The following PRICKLE2 variants were observed in gnomAD, a reference collection of about 807,000 sequenced individuals.
PRICKLE2 encodes the protein prickle-like protein 2.
A neutral mutation model predicts 81.4 loss-of-function variants in PRICKLE2; 21 were observed. The observed-to-expected ratio is 0.26, with a 90% CI of 0.18 to 0.37. The LOEUF is 0.37. Ranked by LOEUF, PRICKLE2 falls within the 10% of genes least tolerant of loss-of-function variation. PRICKLE2 has a pLI of 1.00. For missense variants in PRICKLE2, 940 were observed against 1,109.0 expected, an observed-to-expected ratio of 0.85 and a Z score of 2.16; for synonymous variants, 456 against 421.5, an observed-to-expected ratio of 1.08 and a Z score of -1.00.
chr3:64,254,772 T>C (rs1451642374), intron 2 of PRICKLE2, among the ~76,000 whole-genome samples: 1 of 152,242 alleles, frequency 6.6e-6, no homozygotes, highest in Non-Finnish European at 1.5e-5. Flanking sequence ...ATAGCTTTTA[T>C]CTCACAGATT....
At chr3:64,199,008 C>CT (rs1559573229) in intron 1 of PRICKLE2, 41 bp from the exon 2 acceptor site, 131 of 1,584,532 alleles carry the variant, frequency 8.3e-5, no homozygotes, top group Non-Finnish European at 1.1e-4. Context: ...GAGGAAAAAA[C>CT]CTTTTTTTTT....
intron 2 of PRICKLE2, among the ~76,000 whole-genome samples, chr3:64,189,754 A>G (rs940172724): frequency 1.3e-5 from 2 of 152,174 alleles, no homozygotes; most frequent in African/African-American, 4.8e-5. Flanking sequence ...TCCGTCTCTA[A>G]CAGACTCACA....
intron 2 of PRICKLE2, among the ~76,000 whole-genome samples, chr3:64,184,141 A>T (rs993952321): frequency 6.6e-6 from 1 of 152,238 alleles, no homozygotes; most frequent in East Asian, 1.9e-4. Context: ...TTCCCCAGAT[A>T]GGCCTTACCA....
chr3:64,225,661 C>T (rs555418946), upstream of PRICKLE2, among the ~76,000 whole-genome samples: 9 of 152,048 alleles, frequency 5.9e-5, no homozygotes, highest in Admixed American at 3.9e-4. Context: ...ACGTAACCTC[C>T]AAATGAGCAT....
At chr3:64,231,115 T>C (rs931455647) in intron 2 of PRICKLE2, among the ~76,000 whole-genome samples, 1 of 152,190 alleles carries the variant, frequency 6.6e-6, no homozygotes, top group African/African-American at 2.4e-5. Context: ...TCACATTTCA[T>C]ACATTTTAAT....
chr3:64,139,748 C>T (rs1040597366), intron 7 of PRICKLE2, among the ~76,000 whole-genome samples: 1 of 152,186 alleles, frequency 6.6e-6, no homozygotes, highest in Non-Finnish European at 1.5e-5. Flanking sequence ...AGTCTTATTA[C>T]TCTAAGTGCT....
Position 64,110,541 on chromosome 3 carries a change from G to A in PRICKLE2, c.1661-10616C>T, listed in dbSNP as rs1201056786. Among the ~76,000 whole-genome samples the A allele has an allele frequency of 3.3e-5, 5 of 152,160 alleles. No homozygotes were observed. In the East Asian group the frequency reaches 9.6e-4, roughly 29 times the overall value. ...TAATAATCACTAGGAAGGAAATAAA[G>A]GGGATGCTATGGCAGAGAATAAAGA... On this transcript the variant is annotated intron_variant, in intron 7 of 7. Transcript: ENST00000638394.
intron 2 of PRICKLE2, among the ~76,000 whole-genome samples, chr3:64,245,359 C>CT (rs1553660842): frequency 6.6e-6 from 1 of 152,222 alleles, no homozygotes; most frequent in African/African-American, 2.4e-5. Flanking sequence ...GATTAGAAGT[C>CT]TTTTTTTGTA....
At chr3:64,118,226 C>T (rs902517235) in intron 7 of PRICKLE2, among the ~76,000 whole-genome samples, 1 of 152,122 alleles carries the variant, frequency 6.6e-6, no homozygotes, top group Non-Finnish European at 1.5e-5. Flanking sequence ...ACTGTAAAAA[C>T]CTAAACTATA....
At chr3:64,203,772 C>A (rs1407154875) in intron 1 of PRICKLE2, among the ~76,000 whole-genome samples, 5 of 150,774 alleles carry the variant, frequency 3.3e-5, no homozygotes, top group Non-Finnish European at 7.4e-5. Context: ...AGTTCGAGAC[C>A]AGCCTGGCCA....
In PRICKLE2 at chr3:64,147,189, C is replaced by G; in HGVS notation, c.1301G>C (p.Gly434Ala). ...IRTSYSPGGQGAGAQPEMWGK... is the reference protein window; with the variant it reads ...IRTSYSPGGQAAGAQPEMWGK... ...CCACATTTCGGGCTGGGCCCCAGCC[C>G]CTTGCCCTCCTGGACTGTAGGAAGT... The change falls in exon 7 of 8, where the codon GGG becomes GCG. Residue 434 changes from glycine (G) to alanine (A), a missense_variant. Gly to Ala is a moderately conservative substitution (Grantham distance 60, BLOSUM62 0). Coordinates refer to ENST00000638394, the MANE Select transcript of PRICKLE2 (RefSeq NM_198859.4). This position sits in a 1 kb window ranked among gnomAD's most constrained non-coding sequence, Gnocchi z 5.0. 6.2e-7 allele frequency: 1 copy of G among 1,613,616 alleles called. No homozygotes were observed. Among genetic ancestry groups the G allele is most frequent in the South Asian group, 1.1e-5 (1 of 91,018 alleles).
chr3:64,233,234 C>T (rs764065248), intron 2 of PRICKLE2, among the ~76,000 whole-genome samples: 10 of 148,486 alleles, frequency 6.7e-5, no homozygotes, highest in Non-Finnish European at 1.2e-4. Context: ...TTCCAAGTCA[C>T]CATCAACTCT....
chr3:64,227,935 A>T (rs1357096876), upstream of PRICKLE2, among the ~76,000 whole-genome samples: 1 of 152,200 alleles, frequency 6.6e-6, no homozygotes, highest in Non-Finnish European at 1.5e-5. Flanking sequence ...TTCCTAGAGC[A>T]TATCTCAAAG....
chr3:64,221,420 T>TATAC (rs982491968), intron 1 of PRICKLE2, among the ~76,000 whole-genome samples: 1 of 143,830 alleles, frequency 7.0e-6, no homozygotes, highest in African/African-American at 2.6e-5. Context: ...GCTTGATTCA[T>TATAC]ACACACACAC....
Position 64,098,013 on chromosome 3 carries a change from C to G in PRICKLE2, c.*1038G>C, listed in dbSNP as rs1259194905. The G allele has an allele frequency of 6.6e-6, 1 of 152,610 alleles. No homozygotes were observed. The highest frequency in any genetic ancestry group is 2.4e-5 in the African/African-American group (1 of 41,432). The allele number at this position is 152,610 out of a possible 1,614,324, so 9.5% of individuals were successfully genotyped here. A position where few individuals can be genotyped will look rare whatever the true frequency, so the allele number is the denominator to read the frequency against. On this transcript the variant is annotated 3_prime_UTR_variant, in exon 8 of 8. Transcript: ENST00000638394. ...ATTTGCTTTGAGGACAACCGGTTGT[C>G]AGGCTAAGGCAGCAGTTCTGTCTGC...
At chr3:64,258,893 G>GAAATAAAT (rs1553663533) in intron 2 of PRICKLE2, among the ~76,000 whole-genome samples, 63 of 141,024 alleles carry the variant, frequency 4.5e-4, no homozygotes, top group South Asian at 1.3e-3. Context: ...AAGAAAGAAA[G>GAAATAAAT]AAATCAGGAG....
intron 2 of PRICKLE2, among the ~76,000 whole-genome samples, chr3:64,264,171 C>T (rs2079660230): frequency 6.6e-6 from 1 of 151,986 alleles, no homozygotes; most frequent in Admixed American, 6.6e-5. Flanking sequence ...AGGTCCAGGT[C>T]CCCCGCATGG....
chr3:64,207,504 C>T (rs746860550), intron 1 of PRICKLE2, among the ~76,000 whole-genome samples: 8 of 152,072 alleles, frequency 5.3e-5, no homozygotes, highest in Non-Finnish European at 1.0e-4. Flanking sequence ...AGACTCTGGC[C>T]GGTAACGACA....
chr3:64,184,961 C>T (rs916620300), intron 2 of PRICKLE2, among the ~76,000 whole-genome samples: 1 of 152,186 alleles, frequency 6.6e-6, no homozygotes, highest in African/African-American at 2.4e-5. Context: ...GGTTGGCAAA[C>T]TTAGTTGGTT....
Sources: allele counts gnomAD v4.1 joint callset (sites outside exome capture counted in the v4.1 genomes callset), GRCh38; gene constraint gnomAD v4.1.1; non-coding constraint Gnocchi (gnomAD v3.1); transcripts MANE v1.5; gene names NCBI Gene and HGNC (gene_info 2026-07-23, HGNC 2026-07-21).